ADAMTS14: variants seen among roughly 807,000 people sequenced by gnomAD.
The protein encoded by ADAMTS14 is A disintegrin and metalloproteinase with thrombospondin motifs 14.
A neutral mutation model predicts 128.6 loss-of-function variants in ADAMTS14; 100 were observed. The observed-to-expected ratio is 0.78, with a 90% CI of 0.66 to 0.92. The LOEUF (loss-of-function observed/expected upper bound fraction) is 0.92, where lower values mean the gene tolerates loss of function less well. ADAMTS14 is among the 40% of genes least tolerant of loss of function. ADAMTS14 has a pLI of 0.00. For missense variants in ADAMTS14, 1,562 were observed against 1,658.6 expected (o/e 0.94, Z 1.01); for synonymous variants, 665 against 653.8 (o/e 1.02, Z -0.26).
intron 10 of ADAMTS14, among the ~76,000 whole-genome samples, chr10:70,738,432 C>T (rs771575945): frequency 2.9e-4 from 44 of 152,190 alleles, no homozygotes; most frequent in Non-Finnish European, 5.6e-4. Flanking sequence ...CTCCCAGAAG[C>T]ACATCTCATG....
chr10:70,744,238 T>A, intron 14 of ADAMTS14, 49 bp downstream of exon 14: 1 of 1,469,242 alleles, frequency 6.8e-7, no homozygotes, highest in Non-Finnish European at 9.1e-7. Flanking sequence ...CTGGAGTTCT[T>A]GCCGTCCCTC....
chr10:70,755,957 A>G (rs940993093), intron 19 of ADAMTS14, among the ~76,000 whole-genome samples: 13 of 152,278 alleles, frequency 8.5e-5, no homozygotes, highest in African/African-American at 2.9e-4. Flanking sequence ...ACAGCAAAAC[A>G]TTAGGACGTA....
intron 19 of ADAMTS14, among the ~76,000 whole-genome samples, chr10:70,756,005 A>G (rs534239468): frequency 6.6e-6 from 1 of 152,356 alleles, no homozygotes; most frequent in South Asian, 2.1e-4. Flanking sequence ...GACAAAAATC[A>G]TGGTCTGTTC....
intron 4 of ADAMTS14, among the ~76,000 whole-genome samples, chr10:70,715,969 C>T (rs979172145): frequency 7.9e-5 from 12 of 152,192 alleles, no homozygotes; most frequent in African/African-American, 1.4e-4. Context: ...AAGGCAGGCT[C>T]AGTAACCCAT....
At chr10:70,710,733 G>C (rs966866138) in intron 4 of ADAMTS14, among the ~76,000 whole-genome samples, 2 of 152,238 alleles carry the variant, frequency 1.3e-5, no homozygotes, top group Non-Finnish European at 2.9e-5. Context: ...CTTACTACCA[G>C]AGGTTTTGGG....
At position 70,674,834 on chromosome 10, in the gene ADAMTS14, C is replaced by T; in HGVS notation, c.361C>T (p.Leu121=). The change falls in exon 2 of 22, where the codon CTG becomes TTG. Residue 121 remains leucine, a synonymous_variant. Coordinates refer to ENST00000373207, the MANE Select transcript of ADAMTS14 (RefSeq NM_080722.4). ...TVFGKELHLR[L]RPNRRLVVPG... ...TTTCGGGAAGGAACTGCACTTGCGC[C>T]TGCGGCCCAATCGGAGGTTGGTAGT... 6.2e-7 allele frequency: 1 copy of T among 1,613,948 alleles called. No individual in the cohort carries two copies. Among genetic ancestry groups the T allele is most frequent in the Non-Finnish European group, 8.5e-7 (1 of 1,180,040 alleles).
In ADAMTS14 at chr10:70,702,477, T is replaced by G; in HGVS notation, c.679+9T>G. 1 of 1,595,842 alleles carries G rather than the reference T, an allele frequency of 6.3e-7. No homozygotes were observed. Among genetic ancestry groups the G allele is most frequent in the Non-Finnish European group, 8.5e-7 (1 of 1,170,920 alleles). On this transcript the variant is annotated intron_variant, in intron 3 of 21. Coordinates refer to ENST00000373207, the MANE Select transcript of ADAMTS14 (RefSeq NM_080722.4). ...GGACCTGCACAATGAAGGTAGGCTG[T>G]AGGTAGGGGCCTGTGTGCTGCTTCT...
chr10:70,705,724 C>G (rs560856244), intron 3 of ADAMTS14, among the ~76,000 whole-genome samples: 2 of 152,336 alleles, frequency 1.3e-5, no homozygotes, highest in African/African-American at 4.8e-5. Flanking sequence ...TGGCTTCTTT[C>G]ACTCAGCATG....
rs755278801 is a variant in ADAMTS14, at chr10:70,758,337, T to C, written c.3178+52T>C. ...TGCTCCCCAGACCTTTCAGTGGCCC[T>C]GGTGTTGCAGCATGGGCCACTCAGT... On this transcript the variant is annotated intron_variant, in intron 21 of 21. Transcript: ENST00000373207. 14 of 1,520,898 alleles carry C rather than the reference T, an allele frequency of 9.2e-6. No homozygotes were observed. In the South Asian group the frequency reaches 1.7e-4, roughly 19 times the overall value. 94.2% of individuals were successfully genotyped at this position (1,520,898 alleles called of 1,614,324 possible).
chr10:70,672,743 G>T lies in ADAMTS14; in HGVS notation c.-60G>T. ...GCCCGGGGCGCACCCTAGCCTCGCC[G>T]CCCTCAGCCTGGGACTTGGGGATCG... On this transcript the variant is annotated 5_prime_UTR_variant, in exon 1 of 22. Coordinates refer to ENST00000373207, the MANE Select transcript of ADAMTS14 (RefSeq NM_080722.4). The T allele has an allele frequency of 1.4e-6, 2 of 1,455,094 alleles. No homozygotes were observed. The highest frequency in any genetic ancestry group is 2.4e-4 in the Middle Eastern group (1 of 4,228). The allele number at this position is 1,455,094 out of a possible 1,614,324, so 90.1% of individuals were successfully genotyped here.
intron 9 of ADAMTS14, among the ~76,000 whole-genome samples, chr10:70,736,426 G>A (rs1841828374): frequency 6.6e-6 from 1 of 152,148 alleles, no homozygotes; most frequent in Non-Finnish European, 1.5e-5. Flanking sequence ...GGGGAGGGAG[G>A]CCTTGGAGAG....
At chr10:70,718,285 G>A (rs972328531) in intron 4 of ADAMTS14, among the ~76,000 whole-genome samples, 1 of 151,966 alleles carries the variant, frequency 6.6e-6, no homozygotes, top group Non-Finnish European at 1.5e-5. Context: ...CTTCTTTTAT[G>A]TCTCTTCCCC....
chr10:70,745,180 C>A lies in ADAMTS14; in HGVS notation c.2183-46C>A, dbSNP rs1254628553. 3.8e-6 allele frequency: 6 copies of A among 1,582,664 alleles called. No individual in the cohort carries two copies. In the South Asian group the frequency reaches 6.8e-5, roughly 18 times the overall value. ...AGTGGGGGACGCTGGGCAGTGGGAC[C>A]ACCAGCTTAGGATGCTCACGACTTC... is the stretch of plus-strand genomic sequence containing the variant. On this transcript the variant is annotated intron_variant, in intron 14 of 21. Coordinates refer to ENST00000373207, the MANE Select transcript of ADAMTS14 (RefSeq NM_080722.4).
rs1423524843 is a variant in ADAMTS14, at chr10:70,672,835, G to A, written c.33G>A (p.Leu11=). MAPLRALLSY[L]LPLHCALCAA... ...CACTCCGCGCGCTGCTGTCCTACCT[G>A]CTGCCTTTGCACTGTGCGCTCTGCG... Residue 11 remains leucine (L), a synonymous_variant, in exon 1 of 22, where the codon CTG becomes CTA. Coordinates refer to ENST00000373207, the MANE Select transcript of ADAMTS14 (RefSeq NM_080722.4). The A allele has an allele frequency of 6.6e-7, 1 of 1,516,916 alleles. No individual in the cohort carries two copies. 94.0% of individuals were successfully genotyped at this position (1,516,916 alleles called of 1,614,324 possible).
chr10:70,760,971 G>T lies in ADAMTS14; in HGVS notation c.*118G>T. 1.5e-6 allele frequency: 2 copies of T among 1,357,412 alleles called. No individual in the cohort carries two copies. Among genetic ancestry groups the T allele is most frequent in the Non-Finnish European group, 1.9e-6 (2 of 1,033,902 alleles). The allele number at this position is 1,357,412 out of a possible 1,614,324, so 84.1% of individuals were successfully genotyped here. On this transcript the variant is annotated 3_prime_UTR_variant, in exon 22 of 22. Transcript: ENST00000373207. ...GCACAGACTTCATTTTAAATCATTC[G>T]CCTTCTTCTCGTTTGGGGCTGTGAT... is the stretch of plus-strand genomic sequence containing the variant.
At chr10:70,710,677 C>A (rs1840824456) in intron 4 of ADAMTS14, among the ~76,000 whole-genome samples, 1 of 152,228 alleles carries the variant, frequency 6.6e-6, no homozygotes, top group Non-Finnish European at 1.5e-5. Context: ...GAGTTACGAA[C>A]CCTCTGGTGT....
intron 4 of ADAMTS14, among the ~76,000 whole-genome samples, chr10:70,718,267 C>T (rs1841119708): frequency 6.6e-6 from 1 of 152,068 alleles, no homozygotes; most frequent in African/African-American, 2.4e-5. Flanking sequence ...TCTTTTTGGT[C>T]TTTTTCTCTT....
intron 2 of ADAMTS14, among the ~76,000 whole-genome samples, chr10:70,688,866 G>A (rs1241931481): frequency 8.4e-4 from 16 of 19,126 alleles, no homozygotes; most frequent in African/African-American, 3.0e-3. Flanking sequence ...GGAGGGGGAG[G>A]GGGAGGGGGA....
At chr10:70,672,991 G>T in intron 1 of ADAMTS14, 107 bp downstream of exon 1, 2 of 1,325,906 alleles carry the variant, frequency 1.5e-6, no homozygotes, top group South Asian at 3.8e-5. Flanking sequence ...CGGGTGGGAG[G>T]CAGTATGCAC....
Sources: allele counts gnomAD v4.1 joint callset (sites outside exome capture counted in the v4.1 genomes callset), GRCh38; gene constraint gnomAD v4.1.1; transcripts MANE v1.5; gene names NCBI Gene and HGNC (gene_info 2026-07-23, HGNC 2026-07-21).